The following ABTB2 variants were observed in gnomAD, a reference collection of about 807,000 sequenced individuals.
ABTB2 encodes the protein ankyrin repeat and BTB domain containing 2, also known as ankyrin repeat and BTB/POZ domain-containing protein 2.
A neutral mutation model predicts 104.1 loss-of-function variants in ABTB2; 56 were observed. The observed-to-expected ratio is 0.54, with a 90% CI of 0.43 to 0.67. The LOEUF is 0.67. Among genes scored for constraint, ABTB2 ranks in the 30% least tolerant of loss-of-function variants. ABTB2 has a pLI of 0.00. For missense variants in ABTB2, 1,279 were observed against 1,407.7 expected (o/e 0.91, Z 1.46); for synonymous variants, 606 against 608.2 (o/e 1.00, Z 0.05).
chr11:34,182,083 G>A (rs1234939716), intron 3 of ABTB2, among the ~76,000 whole-genome samples: 1 of 152,202 alleles, frequency 6.6e-6, no homozygotes, highest in African/African-American at 2.4e-5. Context: ...AGCAAGTGAC[G>A]GCTCCACGAA....
chr11:34,160,667 G>A (rs552805477), intron 11 of ABTB2, among the ~76,000 whole-genome samples: 4 of 104,928 alleles, frequency 3.8e-5, no homozygotes, highest in African/African-American at 1.5e-4. Flanking sequence ...GCACGCGCGC[G>A]CGTGTGTGTG....
chr11:34,161,467 C>A (rs920048806), intron 10 of ABTB2, among the ~76,000 whole-genome samples: 4 of 152,086 alleles, frequency 2.6e-5, no homozygotes, highest in Admixed American at 6.5e-5. Flanking sequence ...GAATTACTTG[C>A]TAGAGAGGTC....
At chr11:34,277,673 A>G (rs1275378272) in intron 1 of ABTB2, among the ~76,000 whole-genome samples, 1 of 151,118 alleles carries the variant, frequency 6.6e-6, no homozygotes, top group Admixed American at 6.6e-5. Flanking sequence ...CCAGCTACTC[A>G]GGAGGCTGAG....
intron 1 of ABTB2, among the ~76,000 whole-genome samples, chr11:34,253,224 T>G (rs1854077401): frequency 6.6e-6 from 1 of 152,180 alleles, no homozygotes; most frequent in Non-Finnish European, 1.5e-5. Context: ...AGGCCTCACC[T>G]GGGCCAGAAG....
chr11:34,280,176 T>G (rs1967746), intron 1 of ABTB2, among the ~76,000 whole-genome samples: 42,860 of 151,990 alleles, frequency 0.28, 7,016 homozygotes, highest in African/African-American at 0.43. Flanking sequence ...CAAGGCTGTT[T>G]GGGGCTTGCC....
At chr11:34,336,654 AAAC>A in intron 1 of ABTB2, among the ~76,000 whole-genome samples, 1 of 152,096 alleles carries the variant, frequency 6.6e-6, no homozygotes, top group Non-Finnish European at 1.5e-5. Context: ...AAAAAAAACA[AAAC>A]AAACAAACAA....
intron 4 of ABTB2, among the ~76,000 whole-genome samples, chr11:34,171,867 C>T (rs570254964): frequency 5.3e-4 from 80 of 152,300 alleles, no homozygotes; most frequent in African/African-American, 1.9e-3. Context: ...TAGAGAGTAG[C>T]ATAGACTGCC....
At position 34,252,962 on chromosome 11, in the gene ABTB2, T is replaced by G. The variant is rs1590230951; in HGVS notation, c.884-48272A>C. On this transcript the variant is annotated intron_variant, in intron 1 of 16. Coordinates refer to ENST00000435224, the MANE Select transcript of ABTB2 (RefSeq NM_145804.3). The surrounding 1 kb of genome is among the most constrained non-coding windows in gnomAD (Gnocchi z 5.5). ...GAGCTGCTTTGGCAGCTGCCCTTGG[T>G]GGAGAAACCTACGTGTGCTAGCCCC... Among the ~76,000 whole-genome samples, 1 of 152,106 alleles carries G rather than the reference T, an allele frequency of 6.6e-6. No individual in the cohort carries two copies. Among genetic ancestry groups the G allele is most frequent in the Non-Finnish European group, 1.5e-5 (1 of 68,018 alleles).
Position 34,356,604 on chromosome 11 carries a change from C to T in ABTB2, c.883+97G>A. ...AACGTTTTCTCCCAAAGAACTGGCA[C>T]AGCCACCAGCTTTGTCTCAGGAAAT... On this transcript the variant is annotated intron_variant, in intron 1 of 16. Coordinates refer to ENST00000435224, the MANE Select transcript of ABTB2 (RefSeq NM_145804.3). The surrounding 1 kb of genome is among the most constrained non-coding windows in gnomAD (Gnocchi z 4.6). 2.1e-6 allele frequency: 3 copies of T among 1,416,966 alleles called. No homozygotes were observed. 87.8% of individuals were successfully genotyped at this position (1,416,966 alleles called of 1,614,324 possible). A position where few individuals can be genotyped will look rare whatever the true frequency, so the allele number is the denominator to read the frequency against.
intron 1 of ABTB2, among the ~76,000 whole-genome samples, chr11:34,353,656 T>C (rs1855427255): frequency 6.6e-6 from 1 of 152,210 alleles, no homozygotes; most frequent in African/African-American, 2.4e-5. Flanking sequence ...CAAAACCATA[T>C]TTGTCCTGCA....
intron 1 of ABTB2, among the ~76,000 whole-genome samples, chr11:34,292,408 C>T (rs1218976797): frequency 6.6e-6 from 1 of 152,186 alleles, no homozygotes; most frequent in Admixed American, 6.5e-5. Context: ...TTCTTTTAGT[C>T]ATGGTCTGTG....
intron 1 of ABTB2, among the ~76,000 whole-genome samples, chr11:34,285,518 C>T (rs965374700): frequency 1.3e-5 from 2 of 152,096 alleles, no homozygotes; most frequent in Admixed American, 6.5e-5. Context: ...AACAAAAACA[C>T]CTCAAAAGGT....
rs144084755 is a variant in ABTB2, at chr11:34,279,618, G to A, written c.884-74928C>T. Among the ~76,000 whole-genome samples, 68 of 152,224 alleles carry A rather than the reference G, an allele frequency of 4.5e-4. 1 individual carries two copies. Among genetic ancestry groups the A allele is most frequent in the Middle Eastern group, 3.4e-3 (1 of 294 alleles). On this transcript the variant is annotated intron_variant, in intron 1 of 16. Coordinates refer to ENST00000435224, the MANE Select transcript of ABTB2 (RefSeq NM_145804.3). The stretch of plus-strand genomic sequence containing the variant: ...AATCCTTAACTTTATACTATGTACA[G>A]TGGGGGTTAAATGGACCAGACAGGG...
At chr11:34,333,355 T>G (rs2133118170) in intron 1 of ABTB2, among the ~76,000 whole-genome samples, 1 of 152,302 alleles carries the variant, frequency 6.6e-6, no homozygotes, top group African/African-American at 2.4e-5. Flanking sequence ...GCTGTGCATT[T>G]AAGACTCTGG....
chr11:34,173,175 G>A lies in ABTB2; in HGVS notation c.1377C>T (p.Asp459=), dbSNP rs1193903266. Residue 459 remains aspartate, a synonymous_variant, in exon 4 of 17, where the codon GAC becomes GAT. Coordinates refer to ENST00000435224, the MANE Select transcript of ABTB2 (RefSeq NM_145804.3). ...CATACTTGAGCTGCCGAGGTTCACA[G>A]TCCAGACCAGGCAGCAGCAGCCGGG... The part of the protein sequence containing the change: ...QAARLLLPGL[D]CEPRQLKPEH... The A allele has an allele frequency of 3.7e-6, 6 of 1,613,712 alleles. No individual in the cohort carries two copies. Among genetic ancestry groups the A allele is most frequent in the South Asian group, 1.1e-5 (1 of 91,072 alleles).
chr11:34,328,968 A>C (rs1855100429), intron 1 of ABTB2, among the ~76,000 whole-genome samples: 1 of 152,236 alleles, frequency 6.6e-6, no homozygotes. Context: ...CAAGTATGTC[A>C]AGGTAGCACT....
Position 34,171,015 on chromosome 11 carries a change from T to C in ABTB2, c.1454A>G (p.Lys485Arg), listed in dbSNP as rs1367485880. Residue 485 changes from lysine (K) to arginine (R), a missense_variant, in exon 5 of 17, where the codon AAA becomes AGA. Lys to Arg is a conservative substitution (Grantham distance 26, BLOSUM62 2). Transcript: ENST00000435224. ...GCGGAAACCCAGGTCCTGGTTGAAT[T>C]TTTCAGTAGCTGCTCGGGCATCCAG... Reference protein sequence around the residue: ...RRLDARAATEKFNQDLGFRML... With the variant: ...RRLDARAATERFNQDLGFRML... 6.2e-7 allele frequency: 1 copy of C among 1,614,012 alleles called. No individual in the cohort carries two copies.
intron 1 of ABTB2, among the ~76,000 whole-genome samples, chr11:34,290,463 A>C (rs1256106870): frequency 5.9e-5 from 9 of 152,224 alleles, no homozygotes; most frequent in Admixed American, 5.9e-4. Context: ...TAGTAATCGA[A>C]GATAGCAGAT....
At chr11:34,210,338 A>AT (rs1236370071) in intron 1 of ABTB2, among the ~76,000 whole-genome samples, 52 of 152,292 alleles carry the variant, frequency 3.4e-4, no homozygotes, top group African/African-American at 1.0e-3. Flanking sequence ...TCATTCCACC[A>AT]TTTAACTTGT....
Sources: allele counts gnomAD v4.1 joint callset (sites outside exome capture counted in the v4.1 genomes callset), GRCh38; gene constraint gnomAD v4.1.1; non-coding constraint Gnocchi (gnomAD v3.1); transcripts MANE v1.5; gene names NCBI Gene and HGNC (gene_info 2026-07-23, HGNC 2026-07-21).